The following TMEM74 variants were observed in gnomAD, a reference collection of about 807,000 sequenced individuals.
TMEM74 encodes transmembrane protein 74.
TMEM74 carries 13 observed loss-of-function variants against 18.1 expected under a neutral mutation model. The observed-to-expected ratio is 0.72, with a 90% CI of 0.47 to 1.14. The LOEUF (loss-of-function observed/expected upper bound fraction) is 1.14. Ranked by LOEUF, TMEM74 falls within the 50% of genes most tolerant of loss-of-function variation. The probability of loss-of-function intolerance (pLI) is 0.00; values close to 1 mark genes in which losing one functional copy is unlikely to be tolerated. For missense variants in TMEM74, 372 were observed against 375.9 expected (o/e 0.99, Z 0.09); for synonymous variants, 159 against 146.6 (o/e 1.08, Z -0.61).
intron 2 of TMEM74, among the ~76,000 whole-genome samples, chr8:108,624,590 A>T (rs1812476570): frequency 6.6e-6 from 1 of 152,110 alleles, no homozygotes; most frequent in African/African-American, 2.4e-5. Flanking sequence ...TAAGGTATAC[A>T]TAGTCTCTTC....
intron 1 of TMEM74, among the ~76,000 whole-genome samples, chr8:108,739,406 C>T (rs1226336717): frequency 6.6e-6 from 1 of 152,128 alleles, no homozygotes; most frequent in Non-Finnish European, 1.5e-5. Flanking sequence ...GGAGGCAGAC[C>T]ATATGTCTCC....
intron 1 of TMEM74, among the ~76,000 whole-genome samples, chr8:108,666,439 A>G (rs904524689): frequency 1.3e-5 from 2 of 152,172 alleles, no homozygotes; most frequent in African/African-American, 4.8e-5. Context: ...TATGGTTTGA[A>G]TATTAGTTTT....
intron 1 of TMEM74, among the ~76,000 whole-genome samples, chr8:108,665,188 A>C (rs1042114963): frequency 6.6e-6 from 1 of 152,176 alleles, no homozygotes; most frequent in Non-Finnish European, 1.5e-5. Flanking sequence ...CTGTATGTGC[A>C]TGTTCTGTGC....
intron 1 of TMEM74, among the ~76,000 whole-genome samples, chr8:108,698,980 A>G (rs1813307893): frequency 6.6e-6 from 1 of 152,120 alleles, no homozygotes; most frequent in Non-Finnish European, 1.5e-5. Context: ...GACAGCAGTT[A>G]ACAAATAACC....
intron 1 of TMEM74, among the ~76,000 whole-genome samples, chr8:108,705,356 A>G (rs904473381): frequency 2.6e-5 from 4 of 152,224 alleles, no homozygotes; most frequent in Non-Finnish European, 5.9e-5. Flanking sequence ...TTGTAGTGGA[A>G]TGCAGATTTA....
intron 1 of TMEM74, among the ~76,000 whole-genome samples, chr8:108,702,072 T>G (rs1008554088): frequency 4.6e-5 from 7 of 151,938 alleles, no homozygotes; most frequent in African/African-American, 1.7e-4. Context: ...AGGCCAGGCA[T>G]GGTGGCTCAT....
At chr8:108,739,073 A>C (rs1376929809) in intron 1 of TMEM74, among the ~76,000 whole-genome samples, 1 of 152,232 alleles carries the variant, frequency 6.6e-6, no homozygotes, top group Non-Finnish European at 1.5e-5. Context: ...TTACAAAGAA[A>C]GAAGGCAAGA....
intron 2 of TMEM74, among the ~76,000 whole-genome samples, chr8:108,624,169 A>T (rs948648795): frequency 1.3e-5 from 2 of 152,076 alleles, no homozygotes; most frequent in African/African-American, 4.8e-5. Flanking sequence ...CCTTTTATAG[A>T]TTCTCTTGCC....
intron 1 of TMEM74, among the ~76,000 whole-genome samples, chr8:108,703,546 T>C (rs745571108): frequency 6.6e-6 from 1 of 152,152 alleles, no homozygotes; most frequent in Non-Finnish European, 1.5e-5. Flanking sequence ...GAGCTACAGA[T>C]GTACAGAACT....
At chr8:108,665,795 T>A (rs943698377) in intron 1 of TMEM74, among the ~76,000 whole-genome samples, 1 of 152,084 alleles carries the variant, frequency 6.6e-6, no homozygotes, top group Non-Finnish European at 1.5e-5. Flanking sequence ...CTGACTTAAC[T>A]GCTGATACAG....
chr8:108,768,673 A>G (rs1419174581), intron 1 of TMEM74, among the ~76,000 whole-genome samples: 5 of 152,084 alleles, frequency 3.3e-5, no homozygotes, highest in Non-Finnish European at 7.4e-5. Flanking sequence ...TCTGGGAAAA[A>G]CTGAAAGTGA....
intron 1 of TMEM74, among the ~76,000 whole-genome samples, chr8:108,720,629 C>T (rs895692680): frequency 1.3e-5 from 2 of 152,170 alleles, no homozygotes; most frequent in Admixed American, 6.5e-5. Context: ...ATCTTTGTCT[C>T]TTTAGTGCTC....
chr8:108,638,564 TAAAA>T (rs34250538), intron 2 of TMEM74, among the ~76,000 whole-genome samples: 1 of 138,130 alleles, frequency 7.2e-6, no homozygotes, highest in African/African-American at 2.7e-5. Flanking sequence ...TCTCTAGCAT[TAAAA>T]AAAAAAAAAA....
At chr8:108,681,449 A>G (rs10102756) in intron 1 of TMEM74, among the ~76,000 whole-genome samples, 67,084 of 151,898 alleles carry the variant, frequency 0.44, 15,172 homozygotes, top group East Asian at 0.7. Flanking sequence ...GGTGCTGGGA[A>G]AACTGGCTAG....
At chr8:108,652,057 A>T (rs1223210509) in intron 2 of TMEM74, among the ~76,000 whole-genome samples, 1 of 152,122 alleles carries the variant, frequency 6.6e-6, no homozygotes. Context: ...TTCTATGAAC[A>T]GTTGTTTTTG....
intron 1 of TMEM74, among the ~76,000 whole-genome samples, chr8:108,704,439 G>C (rs186605139): frequency 6.6e-6 from 1 of 152,334 alleles, no homozygotes; most frequent in East Asian, 1.9e-4. Context: ...CCATGCACTT[G>C]TGTGTCTTCT....
At chr8:108,737,268 C>A (rs571868185) in intron 1 of TMEM74, among the ~76,000 whole-genome samples, 2 of 152,070 alleles carry the variant, frequency 1.3e-5, no homozygotes, top group African/African-American at 2.4e-5. Flanking sequence ...CTGATGAGGA[C>A]GTAATATGTA....
Position 108,698,461 on chromosome 8 carries a change from T to C in TMEM74, n.120-43024A>G, listed in dbSNP as rs111609956. Among the ~76,000 whole-genome samples the C allele has an allele frequency of 4.4e-3, 668 of 152,342 alleles. 9 individuals are homozygous for C. Among genetic ancestry groups the C allele is most frequent in the African/African-American group, 0.015 (630 of 41,580 alleles). ...AGCTGTAGAATGGACATAATTACGT[T>C]ATTTAATTCTCTGGTATATCATGAG... On this transcript the variant is annotated intron_variant and non_coding_transcript_variant, in intron 1 of 3. Transcript: ENST00000518838.
At chr8:108,664,289 C>T (rs1432561696) in intron 1 of TMEM74, among the ~76,000 whole-genome samples, 3 of 152,086 alleles carry the variant, frequency 2.0e-5, no homozygotes, top group Non-Finnish European at 4.4e-5. Flanking sequence ...TTTATGTCAT[C>T]TCTGATTTCT....
Sources: allele counts gnomAD v4.1 joint callset (sites outside exome capture counted in the v4.1 genomes callset), GRCh38; gene constraint gnomAD v4.1.1; transcripts MANE v1.5; gene names NCBI Gene and HGNC (gene_info 2026-07-23, HGNC 2026-07-21).